The following RYR1 variants were observed in gnomAD, a reference collection of about 807,000 sequenced individuals.
RYR1 encodes ryanodine receptor 1.
A neutral mutation model predicts 583.5 loss-of-function variants in RYR1; 342 were observed. That is an observed-to-expected ratio of 0.59 (90% confidence interval 0.54 to 0.64). The LOEUF is 0.64. Ranked by LOEUF, RYR1 falls within the 30% of genes least tolerant of loss-of-function variation. RYR1 has a pLI of 0.00. For missense variants in RYR1, 6,032 were observed against 6,917.2 expected (o/e 0.87, Z 4.54); for synonymous variants, 2,791 against 2,822.5 (o/e 0.99, Z 0.35).
Position 38,499,296 on chromosome 19 carries a change from C to T in RYR1, c.7027+53C>T, listed in dbSNP as rs900978221. 17 of 1,613,328 alleles carry T rather than the reference C, an allele frequency of 1.1e-5. No individual in the cohort carries two copies. Among genetic ancestry groups the T allele is most frequent in the Non-Finnish European group, 1.4e-5 (16 of 1,179,460 alleles). On this transcript the variant is annotated intron_variant, in intron 43 of 105. Coordinates refer to ENST00000359596, the MANE Select transcript of RYR1 (RefSeq NM_000540.3). The surrounding 1 kb of genome is among the most constrained non-coding windows in gnomAD (Gnocchi z 7.3). ...GGGAAGTATGGAGTCACTGGTCACA[C>T]ACCTCCCTCGAGATGACTGCTCGCA...
intron 1 of RYR1, among the ~76,000 whole-genome samples, chr19:38,437,962 A>G (rs553318663): frequency 1.3e-5 from 2 of 150,176 alleles, no homozygotes; most frequent in East Asian, 3.9e-4. Context: ...ACTCCACCCC[A>G]GGAGACAGAG....
intron 101 of RYR1, among the ~76,000 whole-genome samples, chr19:38,580,899 A>AT (rs74176451): frequency 0.086 from 11,434 of 132,770 alleles, 670 homozygotes; most frequent in Admixed American, 0.14. Context: ...TGCCAGGCAC[A>AT]TTTTTTTTTT....
intron 89 of RYR1, among the ~76,000 whole-genome samples, chr19:38,552,379 C>T (rs188336222): frequency 1.0e-3 from 158 of 151,788 alleles, no homozygotes; most frequent in African/African-American, 3.4e-3. Flanking sequence ...CTTAGCTTCC[C>T]GAGTAGCTGG....
chr19:38,543,496 C>T lies in RYR1; in HGVS notation c.11779-36C>T, dbSNP rs1972291606. ...CGGGGGCTGCAGGGCCATGGTCGGC[C>T]CCAGCACCCCCTCACACCCTACCCG... On this transcript the variant is annotated intron_variant, in intron 85 of 105. Coordinates refer to ENST00000359596, the MANE Select transcript of RYR1 (RefSeq NM_000540.3). This position sits in a 1 kb window ranked among gnomAD's most constrained non-coding sequence, Gnocchi z 4.4. The T allele has an allele frequency of 1.2e-6, 2 of 1,614,128 alleles. No homozygotes were observed. The highest frequency in any genetic ancestry group is 2.2e-5 in the East Asian group (1 of 44,878).
chr19:38,473,891 G>C, intron 28 of RYR1, 120 bp downstream of exon 28: 1 of 717,746 alleles, frequency 1.4e-6, no homozygotes, highest in South Asian at 1.9e-5. Flanking sequence ...ATGCTAAGTG[G>C]AGTAAGAATA....
chr19:38,465,297 T>C (rs1968034637), intron 23 of RYR1, among the ~76,000 whole-genome samples: 1 of 150,762 alleles, frequency 6.6e-6, no homozygotes, highest in South Asian at 2.1e-4. Flanking sequence ...GTGAGACCCC[T>C]CTACAAAAAA....
intron 13 of RYR1, among the ~76,000 whole-genome samples, chr19:38,453,522 G>A (rs964293806): frequency 2.6e-5 from 4 of 151,944 alleles, no homozygotes; most frequent in African/African-American, 9.7e-5. Context: ...GAGGCCAGCT[G>A]TGAACAAAAC....
intron 69 of RYR1, chr19:38,523,708 T>C (rs1971328411): frequency 1.5e-6 from 1 of 649,726 alleles, no homozygotes; most frequent in East Asian, 2.7e-5. Flanking sequence ...CATTTCCTGC[T>C]TTCCTCCCTA....
intron 88 of RYR1, 132 bp downstream of exon 88, chr19:38,546,658 AG>A (rs1459830168): frequency 3.9e-6 from 3 of 775,414 alleles, no homozygotes; most frequent in Non-Finnish European, 4.5e-6. Context: ...GGGTTGATGA[AG>A]AAGCCATAAT....
At chr19:38,468,048 TCATCCATCCATCCATCCATCCATC>T (rs753008033) in intron 25 of RYR1, among the ~76,000 whole-genome samples, 3 of 67,636 alleles carry the variant, frequency 4.4e-5, no homozygotes, top group African/African-American at 1.5e-4. Context: ...CATCCATCCA[TCATCCATCCATCCATCCATCCATC>T]CATCCATCCA....
chr19:38,536,294 A>G (rs1165920873), intron 82 of RYR1, among the ~76,000 whole-genome samples: 2 of 13,070 alleles, frequency 1.5e-4, no homozygotes, highest in Non-Finnish European at 2.9e-4. Flanking sequence ...CCCCCCCGCC[A>G]CCAGAAGTCA....
At chr19:38,586,878 G>A (rs948388429) in intron 105 of RYR1, among the ~76,000 whole-genome samples, 1 of 152,140 alleles carries the variant, frequency 6.6e-6, no homozygotes, top group African/African-American at 2.4e-5. Flanking sequence ...AGCTGAGGTG[G>A]GAGAATCGCT....
intron 31 of RYR1, among the ~76,000 whole-genome samples, chr19:38,482,657 C>T (rs1969069671): frequency 6.6e-6 from 1 of 151,992 alleles, no homozygotes; most frequent in Admixed American, 6.6e-5. Flanking sequence ...ACTACGTTGC[C>T]CAGGCTGCTC....
At position 38,510,542 on chromosome 19, in the gene RYR1, C is replaced by A; in HGVS notation, c.8977C>A (p.Gln2993Lys). The A allele has an allele frequency of 1.2e-6, 2 of 1,614,148 alleles. No homozygotes were observed. The highest frequency in any genetic ancestry group is 1.7e-6 in the Non-Finnish European group (2 of 1,180,036). ...GCGAGTGGAAAAGTCCCCACATGAA[C>A]AGGAGATTAAATTCTTTGCCAAGGT... The part of the protein sequence containing the change: ...SGRVEKSPHE[Q>K]EIKFFAKILL... Residue 2993 changes from glutamine (Q) to lysine (K), a missense_variant, in exon 59 of 106, where the codon CAG becomes AAG. This residue lies in a region of RYR1 where 1,493 missense variants were observed against 1,715.5 expected (regional missense o/e 0.87). Transcript: ENST00000359596.
At chr19:38,458,394 G>A in intron 18 of RYR1, 102 bp downstream of exon 18, 8 of 1,238,252 alleles carry the variant, frequency 6.5e-6, no homozygotes, top group Non-Finnish European at 9.4e-6. Context: ...CTGACTCCCT[G>A]AAAAGGTCAA....
chr19:38,465,847 C>T (rs139589831), intron 23 of RYR1, among the ~76,000 whole-genome samples: 2 of 152,152 alleles, frequency 1.3e-5, no homozygotes, highest in Non-Finnish European at 2.9e-5. Flanking sequence ...ATAGGGGTCC[C>T]AAAGTCAAGA....
In RYR1 at chr19:38,504,078, C is replaced by G. The variant is rs1168166850; in HGVS notation, c.7927-142C>G. On this transcript the variant is annotated intron_variant, in intron 49 of 105. Transcript: ENST00000359596. The stretch of plus-strand genomic sequence containing the variant: ...CCTCAATAAACATACCATTTCTTCC[C>G]TTATTAGCATATCATTTGCATAACC... 2.2e-5 allele frequency: 20 copies of G among 911,444 alleles called. No individual in the cohort carries two copies. The East Asian group carries it at 5.0e-4, about 23-fold the overall frequency. The allele number at this position is 911,444 out of a possible 1,614,324, so 56.5% of individuals were successfully genotyped here.
rs752433627 is a variant in RYR1 at position 38,504,714 on chromosome 19, G to A, written c.8068-34G>A. 86 of 1,560,172 alleles carry A rather than the reference G, an allele frequency of 5.5e-5. 1 individual carries two copies. In the South Asian group the frequency reaches 6.2e-4, roughly 11 times the overall value. ...CCTGGGGGTCAGTAAGGCTTATAGC[G>A]ACCTCCTACCCCTGCTTCACCCGGT... On this transcript the variant is annotated intron_variant, in intron 50 of 105. Transcript: ENST00000359596.
At chr19:38,445,726 C>T (rs753713093) in intron 7 of RYR1, among the ~76,000 whole-genome samples, 11 of 152,182 alleles carry the variant, frequency 7.2e-5, no homozygotes, top group African/African-American at 2.2e-4. Flanking sequence ...CGGTGGCTCA[C>T]GCCTGTAATC....
Sources: allele counts gnomAD v4.1 joint callset (sites outside exome capture counted in the v4.1 genomes callset), GRCh38; gene constraint gnomAD v4.1.1; regional missense constraint gnomAD v4.1.1; non-coding constraint Gnocchi (gnomAD v3.1); transcripts MANE v1.5; gene names NCBI Gene and HGNC (gene_info 2026-07-23, HGNC 2026-07-21).